DAGLB: variants seen among roughly 807,000 people sequenced by gnomAD.
DAGLB encodes diacylglycerol lipase beta.
A neutral mutation model predicts 72.1 loss-of-function variants in DAGLB; 66 were observed. That is an observed-to-expected ratio of 0.92 (90% confidence interval 0.75 to 1.12). The LOEUF (loss-of-function observed/expected upper bound fraction) is 1.12, where lower values mean the gene tolerates loss of function less well. DAGLB is among the 50% of genes most tolerant of loss of function. DAGLB has a pLI of 0.00. For missense variants in DAGLB, 1,065 were observed against 884.9 expected (o/e 1.20, Z -2.58); for synonymous variants, 414 against 359.5 (o/e 1.15, Z -1.71).
At chr7:6,431,443 A>T (rs149719421) in intron 5 of DAGLB, among the ~76,000 whole-genome samples, 1 of 152,314 alleles carries the variant, frequency 6.6e-6, no homozygotes, top group Non-Finnish European at 1.5e-5. Context: ...CATAGAATTG[A>T]ACAGCAAATT....
In DAGLB at chr7:6,434,783, C is replaced by T; in HGVS notation, c.657G>A (p.Glu219=). Residue 219 remains glutamate, a synonymous_variant, in exon 4 of 15, where the codon GAG becomes GAA. Coordinates refer to ENST00000297056, the MANE Select transcript of DAGLB (RefSeq NM_139179.4). The stretch of plus-strand genomic sequence containing the variant: ...TTACTGAAAAGTAGGTTGAGAAAAG[C>T]TCTGCCGTACTCGAAAAAGCAACCC... ...HTRVAFSSTA[E]LFSTYFSDTD... 6.2e-7 allele frequency: 1 copy of T among 1,614,180 alleles called. No individual in the cohort carries two copies. Among genetic ancestry groups the T allele is most frequent in the African/African-American group, 1.3e-5 (1 of 75,048 alleles).
At chr7:6,411,898 A>G (rs909267470) in intron 13 of DAGLB, among the ~76,000 whole-genome samples, 7 of 152,194 alleles carry the variant, frequency 4.6e-5, no homozygotes, top group African/African-American at 9.6e-5. Context: ...GAACTTTTCA[A>G]TGGATATCTA....
chr7:6,410,790 T>C (rs192276385), intron 13 of DAGLB, among the ~76,000 whole-genome samples: 1 of 152,210 alleles, frequency 6.6e-6, no homozygotes, highest in Admixed American at 6.5e-5. Context: ...CTCCACAATC[T>C]GCCTCCCGAA....
intron 2 of DAGLB, chr7:6,445,746 A>T: frequency 2.1e-6 from 1 of 473,368 alleles, no homozygotes; most frequent in Non-Finnish European, 3.6e-6. Flanking sequence ...TACAGGTGTG[A>T]GCCACTGTGT....
Position 6,434,749 on chromosome 7 carries a change from C to A in DAGLB, c.678+13G>T. On this transcript the variant is annotated intron_variant, in intron 4 of 14. Coordinates refer to ENST00000297056, the MANE Select transcript of DAGLB (RefSeq NM_139179.4). ...ACAGAAGAAACAGACCAAACCAGAT[C>A]CCCTCGGCTTACTGAAAAGTAGGTT... 6.2e-7 allele frequency: 1 copy of A among 1,613,944 alleles called. No individual in the cohort carries two copies. The highest frequency in any genetic ancestry group is 1.3e-5 in the African/African-American group (1 of 75,028).
intron 6 of DAGLB, among the ~76,000 whole-genome samples, chr7:6,427,704 G>A (rs189742702): frequency 3.9e-5 from 6 of 152,152 alleles, no homozygotes; most frequent in Admixed American, 1.3e-4. Context: ...AATCACTTGA[G>A]CCCAGGAGGT....
chr7:6,446,697 G>A (rs73342968), intron 1 of DAGLB, among the ~76,000 whole-genome samples: 20,024 of 150,874 alleles, frequency 0.13, 1,463 homozygotes, highest in Admixed American at 0.19. Flanking sequence ...CACCTGGCCT[G>A]GAATATAATT....
intron 11 of DAGLB, among the ~76,000 whole-genome samples, chr7:6,415,884 G>A (rs1277355124): frequency 6.6e-6 from 1 of 151,772 alleles, no homozygotes. Context: ...TCATAAAAAT[G>A]TCTTTAAACA....
chr7:6,439,742 G>A (rs2115291865), intron 2 of DAGLB, among the ~76,000 whole-genome samples: 1 of 152,178 alleles, frequency 6.6e-6, no homozygotes, highest in South Asian at 2.1e-4. Flanking sequence ...TTTCATTTGG[G>A]AGGTTTTCAA....
At chr7:6,433,463 T>C (rs1784556332) in intron 4 of DAGLB, among the ~76,000 whole-genome samples, 1 of 152,146 alleles carries the variant, frequency 6.6e-6, no homozygotes, top group South Asian at 2.1e-4. Flanking sequence ...TGAGTCTTCT[T>C]AGGCCTGACA....
Position 6,434,767 on chromosome 7 carries a change from A to C in DAGLB, c.673T>G (p.Phe225Val). The part of the protein sequence containing the change: ...SSTAELFSTY[F>V]SDTDLVPSDI... Reference sequence around the variant, plus strand: ...ACCAGATCCCCTCGGCTTACTGAAAAGTAGGTTGAGAAAAGCTCTGCCGTA... The same window carrying C: ...ACCAGATCCCCTCGGCTTACTGAAACGTAGGTTGAGAAAAGCTCTGCCGTA... The change falls in exon 4 of 15, where the codon TTT (phenylalanine) becomes GTT (valine). Residue 225 changes from phenylalanine to valine, a missense_variant. Coordinates refer to ENST00000297056, the MANE Select transcript of DAGLB (RefSeq NM_139179.4). 6.2e-7 allele frequency: 1 copy of C among 1,614,122 alleles called. No homozygotes were observed. The highest frequency in any genetic ancestry group is 8.5e-7 in the Non-Finnish European group (1 of 1,179,990).
chr7:6,441,862 A>G (rs1324678393), intron 2 of DAGLB, among the ~76,000 whole-genome samples: 1 of 152,152 alleles, frequency 6.6e-6, no homozygotes, highest in Non-Finnish European at 1.5e-5. Flanking sequence ...AACTGGCTGA[A>G]AAGCAGGAAG....
chr7:6,419,081 C>CT (rs1199596102), intron 9 of DAGLB, among the ~76,000 whole-genome samples: 6,669 of 128,170 alleles, frequency 0.052, 393 homozygotes, highest in African/African-American at 0.12. Flanking sequence ...ATGGCACTTC[C>CT]TTTTTTTTTT....
At chr7:6,418,304 G>C (rs1783984632) in intron 9 of DAGLB, among the ~76,000 whole-genome samples, 1 of 152,094 alleles carries the variant, frequency 6.6e-6, no homozygotes, top group East Asian at 1.9e-4. Flanking sequence ...AGGAGTTCAA[G>C]GTTACAGTGA....
chr7:6,424,901 A>G, intron 7 of DAGLB, 66 bp from the exon 8 acceptor site: 2 of 1,528,800 alleles, frequency 1.3e-6, no homozygotes, highest in Non-Finnish European at 1.8e-6. Flanking sequence ...GCAAAGTCGG[A>G]GCCCTGCAGT....
chr7:6,416,542 C>T, intron 11 of DAGLB, 85 bp downstream of exon 11: 2 of 1,507,530 alleles, frequency 1.3e-6, no homozygotes, highest in South Asian at 1.4e-5. Context: ...GACTTCATCT[C>T]AGGAAAATAA....
chr7:6,432,856 T>G lies in DAGLB; in HGVS notation c.782A>C (p.His261Pro), dbSNP rs368282022. 6 of 1,613,768 alleles carry G rather than the reference T, an allele frequency of 3.7e-6. No individual in the cohort carries two copies. In the South Asian group the frequency reaches 6.6e-5, roughly 18 times the overall value. Residue 261 changes from histidine to proline, a missense_variant, in exon 5 of 15, where the codon CAT (histidine) becomes CCT (proline). His to Pro is a moderately conservative substitution (Grantham distance 77, BLOSUM62 -2). Transcript: ENST00000297056. ...NNQEPAQVVC[H>P]APGSSQEADL... ...GCTCACCTGGGAGCTCCCTGGGGCA[T>G]GGCAGACCACCTGGGCAGGCTCTTG...
At chr7:6,413,446 C>G (rs763522421) in intron 11 of DAGLB, among the ~76,000 whole-genome samples, 1 of 151,990 alleles carries the variant, frequency 6.6e-6, no homozygotes, top group Non-Finnish European at 1.5e-5. Flanking sequence ...CTGGCTAACA[C>G]GGTAAAAGCC....
At chr7:6,438,884 G>A (rs139977741) in intron 2 of DAGLB, among the ~76,000 whole-genome samples, 320 of 152,052 alleles carry the variant, frequency 2.1e-3, no homozygotes, top group African/African-American at 7.4e-3. Flanking sequence ...TGATGATGAT[G>A]ATGGTACTGA....
Sources: gnomAD v4.1 joint callset for allele counts (sites outside exome capture counted in the v4.1 genomes callset) on GRCh38, gnomAD v4.1.1 for gene constraint, MANE v1.5 for transcripts, NCBI Gene and HGNC (gene_info 2026-07-23, HGNC 2026-07-21) for gene names.